The following LINGO2 variants were observed in gnomAD, a reference collection of about 807,000 sequenced individuals.
The protein encoded by LINGO2 is leucine-rich repeat and immunoglobulin-like domain-containing nogo receptor-interacting protein 2.
A neutral mutation model predicts 30.6 loss-of-function variants in LINGO2; 14 were observed. The ratio of observed to expected loss-of-function variants is 0.46; its 90% CI spans 0.30 to 0.72. LINGO2 has a LOEUF of 0.72. Among genes scored for constraint, LINGO2 ranks in the 30% least tolerant of loss-of-function variants. The pLI is 0.07. For missense variants in LINGO2, 729 were observed against 751.7 expected, an observed-to-expected ratio of 0.97 and a Z score of 0.35; for synonymous variants, 317 against 288.5, an observed-to-expected ratio of 1.10 and a Z score of -1.00.
At chr9:28,967,769 T>C in the LINGO2 span, among the ~76,000 whole-genome samples, 5 of 152,310 alleles carry the variant, frequency 3.3e-5, no homozygotes, top group South Asian at 4.1e-4. Flanking sequence ...CAGGTGTTTT[T>C]AATATCACTA....
At chr9:28,521,736 T>C (rs886382183) in intron 1 of LINGO2, among the ~76,000 whole-genome samples, 2 of 152,158 alleles carry the variant, frequency 1.3e-5, no homozygotes, top group Admixed American at 6.5e-5. Flanking sequence ...TATTTGAACA[T>C]AGCTTCTTTG....
At chr9:29,042,683 T>C in the LINGO2 span, among the ~76,000 whole-genome samples, 1 of 151,982 alleles carries the variant, frequency 6.6e-6, no homozygotes, top group African/African-American at 2.4e-5. Context: ...TGATGTACAA[T>C]GTGCTGTTTT....
In LINGO2 at chr9:28,598,108, A is replaced by G. The variant is rs569174695; in HGVS notation, c.-365+72092T>C. On this transcript the variant is annotated intron_variant, in intron 1 of 5. Transcript: ENST00000379992. ...GTCTCTCAGTTATGAATGAATAAGT[A>G]GGTAGCTTATAGACAGCTATGATAA... 1.6e-4 allele frequency among the ~76,000 whole-genome samples: 25 copies of G among 152,260 alleles called. No individual in the cohort carries two copies. The South Asian group carries it at 5.0e-3, about 30-fold the overall frequency.
the LINGO2 span, among the ~76,000 whole-genome samples, chr9:28,745,972 C>G: frequency 6.6e-6 from 1 of 151,964 alleles, no homozygotes; most frequent in South Asian, 2.1e-4. Flanking sequence ...ATAAAATATA[C>G]AAACTATCAA....
At chr9:28,658,431 C>A (rs1563898116) in intron 1 of LINGO2, among the ~76,000 whole-genome samples, 1 of 151,928 alleles carries the variant, frequency 6.6e-6, no homozygotes, top group African/African-American at 2.4e-5. Flanking sequence ...ATGTTTGCTG[C>A]ATATATCTTT....
At chr9:29,153,328 T>C in the LINGO2 span, among the ~76,000 whole-genome samples, 1 of 152,144 alleles carries the variant, frequency 6.6e-6, no homozygotes. Flanking sequence ...TCATTTTTTG[T>C]CAAGCTTTTA....
At chr9:29,086,615 GA>G in the LINGO2 span, among the ~76,000 whole-genome samples, 1 of 151,926 alleles carries the variant, frequency 6.6e-6, no homozygotes, top group Non-Finnish European at 1.5e-5. Flanking sequence ...AAGAGAAGGT[GA>G]AAAAAATTGA....
chr9:28,903,730 A>C, the LINGO2 span, among the ~76,000 whole-genome samples: 1 of 152,212 alleles, frequency 6.6e-6, no homozygotes, highest in East Asian at 1.9e-4. Flanking sequence ...CTCCTGCCTT[A>C]GACTTATCAG....
chr9:29,066,361 T>C, the LINGO2 span, among the ~76,000 whole-genome samples: 4 of 151,926 alleles, frequency 2.6e-5, no homozygotes, highest in Admixed American at 6.6e-5. Context: ...CATGAAGTTA[T>C]TGTGGTATAA....
At chr9:28,049,690 G>T (rs1226811509) in intron 4 of LINGO2, among the ~76,000 whole-genome samples, 4 of 150,600 alleles carry the variant, frequency 2.7e-5, no homozygotes, top group Admixed American at 6.7e-5. Context: ...AATGTGTAAA[G>T]GAGGCATTAT....
At chr9:28,465,169 C>T (rs1825245629) in intron 2 of LINGO2, among the ~76,000 whole-genome samples, 1 of 152,126 alleles carries the variant, frequency 6.6e-6, no homozygotes, top group South Asian at 2.1e-4. Flanking sequence ...AGTGTGACAG[C>T]GTCTTGCACC....
chr9:28,784,515 T>C, the LINGO2 span, among the ~76,000 whole-genome samples: 11 of 152,232 alleles, frequency 7.2e-5, no homozygotes. Flanking sequence ...TTCAGAATTG[T>C]TGTAGAGATG....
At chr9:28,875,390 A>G in the LINGO2 span, among the ~76,000 whole-genome samples, 27 of 152,168 alleles carry the variant, frequency 1.8e-4, no homozygotes, top group Admixed American at 2.6e-4. Flanking sequence ...ATAGCATGGT[A>G]TTTCATCCTG....
chr9:28,542,908 G>T (rs1192568665), intron 1 of LINGO2, among the ~76,000 whole-genome samples: 1 of 151,946 alleles, frequency 6.6e-6, no homozygotes, highest in Non-Finnish European at 1.5e-5. Context: ...CGTAATTCAG[G>T]GTCTGAAAGA....
intron 4 of LINGO2, among the ~76,000 whole-genome samples, chr9:28,069,531 C>T (rs1825411324): frequency 6.6e-6 from 1 of 152,162 alleles, no homozygotes; most frequent in Non-Finnish European, 1.5e-5. Flanking sequence ...AAGCAGGACT[C>T]AGCCTAGAAA....
chr9:28,496,527 C>T (rs1378684496), intron 1 of LINGO2, among the ~76,000 whole-genome samples: 1 of 151,272 alleles, frequency 6.6e-6, no homozygotes, highest in Non-Finnish European at 1.5e-5. Context: ...CTTCCTCCTT[C>T]CCTTTATTTT....
chr9:27,949,172 C>T (rs1823496119), exon 6 of LINGO2: 2 of 1,613,944 alleles, frequency 1.2e-6, no homozygotes, highest in South Asian at 2.2e-5. Context: ...CGAATCCTTT[C>T]ACAGTTAAGG....
intron 4 of LINGO2, among the ~76,000 whole-genome samples, chr9:28,182,682 A>G (rs1162720373): frequency 6.6e-6 from 1 of 152,222 alleles, no homozygotes; most frequent in African/African-American, 2.4e-5. Flanking sequence ...GAAGACATTT[A>G]CATGGCCAAC....
At chr9:28,659,401 C>T (rs115599634) in intron 1 of LINGO2, among the ~76,000 whole-genome samples, 1 of 151,930 alleles carries the variant, frequency 6.6e-6, no homozygotes, top group Non-Finnish European at 1.5e-5. Flanking sequence ...AGATTACCTT[C>T]TTCAAAGACA....
Sources: gnomAD v4.1 joint callset for allele counts (sites outside exome capture counted in the v4.1 genomes callset) on GRCh38, gnomAD v4.1.1 for gene constraint, MANE v1.5 for transcripts, NCBI Gene and HGNC (gene_info 2026-07-23, HGNC 2026-07-21) for gene names.